Variants in IREB2 observed in about 807,000 individuals in gnomAD.
The protein encoded by IREB2 is iron-responsive element-binding protein 2.
IREB2 carries 39 observed loss-of-function variants against 118.8 expected under a neutral mutation model. The observed-to-expected ratio is 0.33, with a 90% CI of 0.25 to 0.43. The LOEUF (loss-of-function observed/expected upper bound fraction) is 0.43, where lower values mean the gene tolerates loss of function less well. Among genes scored for constraint, IREB2 ranks in the 20% least tolerant of loss-of-function variants. The pLI is 1.00. For synonymous variants in IREB2, 372 were observed against 392.2 expected (o/e 0.95, Z 0.61); for missense variants, 900 against 1,147.3 (o/e 0.78, Z 3.11).
intron 18 of IREB2, among the ~76,000 whole-genome samples, chr15:78,491,647 G>A (rs535662013): frequency 1.3e-5 from 2 of 152,096 alleles, no homozygotes; most frequent in South Asian, 2.1e-4. Context: ...ACAGGCACGC[G>A]CCACCATGCC....
intron 12 of IREB2, among the ~76,000 whole-genome samples, 180 bp downstream of exon 12, chr15:78,485,100 C>T (rs547594243): frequency 7.9e-5 from 12 of 152,168 alleles, no homozygotes; most frequent in African/African-American, 2.9e-4. Flanking sequence ...TTTATTACAC[C>T]GAAGGTAAAT....
chr15:78,446,346 T>C (rs191004416), intron 2 of IREB2, among the ~76,000 whole-genome samples: 4 of 152,330 alleles, frequency 2.6e-5, no homozygotes, highest in Admixed American at 6.5e-5. Context: ...CAACTTTGTT[T>C]TTATTGCCAA....
At chr15:78,476,473 G>A (rs1384227164) in intron 9 of IREB2, 114 bp downstream of exon 9, 1 of 738,398 alleles carries the variant, frequency 1.4e-6, no homozygotes, top group East Asian at 2.8e-5. Flanking sequence ...ATTACATTAT[G>A]TTGAAACAAC....
intron 10 of IREB2, among the ~76,000 whole-genome samples, chr15:78,482,439 T>C (rs2051590554): frequency 6.6e-6 from 1 of 152,210 alleles, no homozygotes; most frequent in Admixed American, 6.5e-5. Flanking sequence ...AATACGTTTC[T>C]TAACCAAGGA....
intron 10 of IREB2, among the ~76,000 whole-genome samples, chr15:78,478,856 C>T (rs2051520346): frequency 6.6e-6 from 1 of 152,170 alleles, no homozygotes; most frequent in African/African-American, 2.4e-5. Flanking sequence ...ACAATATCTA[C>T]CTCTAAGGAT....
In IREB2 at chr15:78,485,737, C is replaced by T. The variant is rs370106927; in HGVS notation, c.1606C>T (p.Leu536=). The T allele has an allele frequency of 1.2e-5, 20 of 1,613,722 alleles. No individual in the cohort carries two copies. The highest frequency in any genetic ancestry group is 1.5e-5 in the Non-Finnish European group (18 of 1,179,866). Residue 536 remains leucine, a synonymous_variant, in exon 13 of 22, where the codon CTG becomes TTG. Transcript: ENST00000258886. ...LLAKKAVEAG[L]RVKPYIRTSL... ...GGCTAAAAAGGCTGTTGAAGCTGGT[C>T]TGCGTGTTAAACCTTATATAAGAAC...
At chr15:78,478,459 T>G in intron 10 of IREB2, 62 bp downstream of exon 10, 1 of 1,027,032 alleles carries the variant, frequency 9.7e-7, no homozygotes, top group East Asian at 2.4e-5. Flanking sequence ...TCCCAGCGCT[T>G]TGAAAGGTTG....
At chr15:78,467,305 T>C (rs1179995602) in intron 5 of IREB2, among the ~76,000 whole-genome samples, 1 of 152,078 alleles carries the variant, frequency 6.6e-6, no homozygotes. Flanking sequence ...ATTTCCTATA[T>C]GGTAACATGG....
At chr15:78,441,203 A>T (rs912540973) in intron 2 of IREB2, among the ~76,000 whole-genome samples, 1 of 152,218 alleles carries the variant, frequency 6.6e-6, no homozygotes, top group Non-Finnish European at 1.5e-5. Context: ...ATCTTAAAGA[A>T]TCCCCATTTT....
Position 78,483,378 on chromosome 15 carries a change from G to GTCCAA in IREB2, c.1357_1358insTCCAA (p.Asp453ValfsTer7). On this transcript the variant is annotated frameshift_variant, in exon 11 of 22. Transcript: ENST00000258886. LOFTEE classifies it high-confidence loss of function. Reference sequence around the variant, plus strand: ...TGTTAGTGGTCCAAAAAGACCTCAGGATAGAGTTGCTGTGACAGATATGAA... The same window carrying GTCCAA: ...TGTTAGTGGTCCAAAAAGACCTCAGGTCCAAATAGAGTTGCTGTGACAGATATGAA... The GTCCAA allele has an allele frequency of 6.2e-7, 1 of 1,609,894 alleles. No individual in the cohort carries two copies. Among genetic ancestry groups the GTCCAA allele is most frequent in the Non-Finnish European group, 8.5e-7 (1 of 1,176,262 alleles).
At chr15:78,489,235 A>AG (rs1308197524) in intron 16 of IREB2, among the ~76,000 whole-genome samples, 1 of 151,914 alleles carries the variant, frequency 6.6e-6, no homozygotes, top group African/African-American at 2.4e-5. Context: ...AAAAAAAAAA[A>AG]AAAGAAAGAA....
chr15:78,452,317 G>A (rs1337185077), intron 2 of IREB2, among the ~76,000 whole-genome samples: 2 of 152,098 alleles, frequency 1.3e-5, no homozygotes, highest in Non-Finnish European at 2.9e-5. Flanking sequence ...TTCAAGTTTA[G>A]GTACTAGTGA....
At chr15:78,482,693 A>G (rs534451953) in intron 10 of IREB2, among the ~76,000 whole-genome samples, 1 of 152,086 alleles carries the variant, frequency 6.6e-6, no homozygotes, top group East Asian at 1.9e-4. Context: ...CTATTTTATC[A>G]TTGGACATCT....
intron 10 of IREB2, among the ~76,000 whole-genome samples, chr15:78,478,820 C>G (rs1247740214): frequency 6.6e-6 from 1 of 151,970 alleles, no homozygotes; most frequent in East Asian, 1.9e-4. Context: ...GCCTTTCTGC[C>G]TCAGTTTTCT....
chr15:78,469,971 A>G (rs28480606), intron 5 of IREB2, among the ~76,000 whole-genome samples: 35,418 of 152,204 alleles, frequency 0.23, 4,341 homozygotes, highest in South Asian at 0.35. Context: ...CTTAGTTTAA[A>G]TAATTCATGT....
chr15:78,479,679 A>G (rs1157403370), intron 10 of IREB2, among the ~76,000 whole-genome samples: 1 of 152,150 alleles, frequency 6.6e-6, no homozygotes, highest in Non-Finnish European at 1.5e-5. Context: ...TTACTTGTGT[A>G]TTTTGCAAAA....
intron 2 of IREB2, among the ~76,000 whole-genome samples, chr15:78,459,605 C>G (rs1047710864): frequency 6.6e-5 from 10 of 152,172 alleles, no homozygotes; most frequent in African/African-American, 2.4e-4. Context: ...CCACGTCGGC[C>G]TCCCAAAATT....
chr15:78,450,824 TTGTG>T (rs35092289), intron 2 of IREB2, among the ~76,000 whole-genome samples: 33,226 of 133,746 alleles, frequency 0.25, 3,974 homozygotes, highest in Middle Eastern at 0.3. Flanking sequence ...ATTAACAAAT[TTGTG>T]TGTGTGTGTG....
intron 7 of IREB2, 96 bp downstream of exon 7, chr15:78,472,020 T>A: frequency 6.9e-6 from 6 of 866,450 alleles, no homozygotes; most frequent in South Asian, 2.6e-5. Context: ...ATAGCCTCTT[T>A]GAGGCTCTGT....
Sources: gnomAD v4.1 joint callset for allele counts (sites outside exome capture counted in the v4.1 genomes callset) on GRCh38, gnomAD v4.1.1 for gene constraint, MANE v1.5 for transcripts, NCBI Gene and HGNC (gene_info 2026-07-23, HGNC 2026-07-21) for gene names.